The following CRY2 variants were observed in gnomAD, a reference collection of about 807,000 sequenced individuals.
The protein encoded by CRY2 is cryptochrome-2.
A neutral mutation model predicts 69.5 loss-of-function variants in CRY2; 31 were observed. The observed-to-expected ratio is 0.45, with a 90% CI of 0.34 to 0.60. CRY2 has a LOEUF of 0.60. Ranked by LOEUF, CRY2 falls within the 20% of genes least tolerant of loss-of-function variation. The probability of loss-of-function intolerance (pLI) is 0.02; values close to 1 mark genes in which losing one functional copy is unlikely to be tolerated. For synonymous variants in CRY2, 303 were observed against 312.2 expected (o/e 0.97, Z 0.31); for missense variants, 606 against 797.8 (o/e 0.76, Z 2.90).
intron 11 of CRY2, among the ~76,000 whole-genome samples, chr11:45,875,029 G>A (rs1285382258): frequency 6.6e-6 from 1 of 152,202 alleles, no homozygotes; most frequent in Non-Finnish European, 1.5e-5. Flanking sequence ...CACAGAAGAG[G>A]CTGCAGTTCT....
intron 4 of CRY2, chr11:45,861,431 C>T (rs1048095899): frequency 4.0e-5 from 7 of 174,348 alleles, no homozygotes; most frequent in African/African-American, 7.2e-5. Flanking sequence ...TTCACCCCTC[C>T]CTCTTTCTTA....
At chr11:45,877,209 C>G (rs549213769) in intron 11 of CRY2, among the ~76,000 whole-genome samples, 1 of 152,222 alleles carries the variant, frequency 6.6e-6, no homozygotes, top group Non-Finnish European at 1.5e-5. Context: ...CTCTCTCCCC[C>G]ATCCAGGCCC....
intron 1 of CRY2, among the ~76,000 whole-genome samples, chr11:45,852,889 C>T (rs1176458455): frequency 6.6e-6 from 1 of 152,248 alleles, no homozygotes; most frequent in Non-Finnish European, 1.5e-5. Context: ...TTTCAACAGA[C>T]TCCTGGGTGT....
chr11:45,847,231 G>A, upstream of CRY2: 1 of 1,551,014 alleles, frequency 6.4e-7, no homozygotes, highest in Non-Finnish European at 8.7e-7. Context: ...GACAGCCCCA[G>A]CCTGCGTCAC....
In CRY2 at chr11:45,865,242, TA is replaced by T. The variant is rs35686182; in HGVS notation, c.742-2366del. 1.1e-4 allele frequency among the ~76,000 whole-genome samples: 17 copies of T among 152,242 alleles called. No individual in the cohort carries two copies. In the East Asian group the frequency reaches 3.3e-3, roughly 29 times the overall value. On this transcript the variant is annotated intron_variant, in intron 5 of 11. Coordinates refer to ENST00000616080, the MANE Select transcript of CRY2 (RefSeq NM_021117.5). ...TCAGAAATGCAGAACGTGTTTATTATAAAAGCTGAGGTAGGGGTTGCATATA... is the reference window on the plus strand; with the variant it reads ...TCAGAAATGCAGAACGTGTTTATTATAAAGCTGAGGTAGGGGTTGCATATA...
chr11:45,882,626 G>A lies in CRY2; in HGVS notation c.*1715G>A, dbSNP rs116781762. ...TAGAAATGTCCCATCATCGTGGGAG[G>A]GGAGCAGGGCACAGGGGATGGTGTG... is the stretch of plus-strand genomic sequence containing the variant. On this transcript the variant is annotated 3_prime_UTR_variant, in exon 12 of 12. Transcript: ENST00000616080. 1,443 of 399,108 alleles carry A rather than the reference G, an allele frequency of 3.6e-3. 29 individuals are homozygous for A. The highest frequency in any genetic ancestry group is 0.024 in the African/African-American group (1,189 of 48,748). The allele number at this position is 399,108 out of a possible 1,614,324, so 24.7% of individuals were successfully genotyped here.
In CRY2 at chr11:45,856,500, A is replaced by G. The variant is rs1428191876; in HGVS notation, c.324+410A>G. Among the ~76,000 whole-genome samples the G allele has an allele frequency of 3.3e-5, 5 of 152,214 alleles. No homozygotes were observed. The East Asian group carries it at 9.6e-4, about 29-fold the overall frequency. ...TCTTGCTTTGCTCTGCTTATTGGGAAAAGTCAGCCTTTTCTGCCGGGCGAG... is the reference window on the plus strand; with the variant it reads ...TCTTGCTTTGCTCTGCTTATTGGGAGAAGTCAGCCTTTTCTGCCGGGCGAG... On this transcript the variant is annotated intron_variant, in intron 2 of 11. Transcript: ENST00000616080.
chr11:45,882,442 T>A lies in CRY2; in HGVS notation c.*1531T>A, dbSNP rs1414754280. On this transcript the variant is annotated 3_prime_UTR_variant, in exon 12 of 12. Coordinates refer to ENST00000616080, the MANE Select transcript of CRY2 (RefSeq NM_021117.5). The stretch of plus-strand genomic sequence containing the variant: ...GTTAATTCTTTTGGCCCCAGCCCTG[T>A]CCCTCACTGTCCTCTGTCCTTGGAC... 7.6e-6 allele frequency: 3 copies of A among 396,710 alleles called. No homozygotes were observed. The highest frequency in any genetic ancestry group is 1.3e-3 in the Middle Eastern group (2 of 1,596). The allele number at this position is 396,710 out of a possible 1,614,324, so 24.6% of individuals were successfully genotyped here.
intron 11 of CRY2, among the ~76,000 whole-genome samples, chr11:45,873,474 G>T (rs1267078176): frequency 1.3e-5 from 2 of 152,198 alleles, no homozygotes; most frequent in African/African-American, 4.8e-5. Flanking sequence ...TCTTAGCTCT[G>T]TGATACTAAG....
At position 45,883,125 on chromosome 11, in the gene CRY2, G is replaced by A. The variant is rs1405695184; in HGVS notation, c.*2214G>A. 1 of 189,194 alleles carries A rather than the reference G, an allele frequency of 5.3e-6. No individual in the cohort carries two copies. Among genetic ancestry groups the A allele is most frequent in the Non-Finnish European group, 1.1e-5 (1 of 92,758 alleles). The allele number at this position is 189,194 out of a possible 1,614,324, so 11.7% of individuals were successfully genotyped here. ...ATCCTGACCCAAGGGCCAGCATGGG[G>A]AAGAGATGGTTGCAGGCAAAATGCA... On this transcript the variant is annotated 3_prime_UTR_variant, in exon 12 of 12. Coordinates refer to ENST00000616080, the MANE Select transcript of CRY2 (RefSeq NM_021117.5).
intron 1 of CRY2, 58 bp downstream of exon 1, chr11:45,847,763 A>G (rs1050590861): frequency 8.1e-6 from 12 of 1,485,514 alleles, no homozygotes; most frequent in African/African-American, 1.4e-5. Context: ...CCCTGGGGTG[A>G]CCGGCGAACA....
intron 11 of CRY2, among the ~76,000 whole-genome samples, chr11:45,874,291 A>G (rs1313695174): frequency 6.6e-6 from 1 of 152,120 alleles, no homozygotes; most frequent in Non-Finnish European, 1.5e-5. Flanking sequence ...AAAAAAAAAA[A>G]AGATTAAATG....
At chr11:45,854,056 G>A (rs1381182595) in intron 1 of CRY2, among the ~76,000 whole-genome samples, 3 of 152,238 alleles carry the variant, frequency 2.0e-5, no homozygotes, top group Admixed American at 2.0e-4. Context: ...TACGTCAGAG[G>A]CAGCAGTGGG....
intron 11 of CRY2, among the ~76,000 whole-genome samples, chr11:45,872,478 T>C (rs963386544): frequency 6.6e-6 from 1 of 152,000 alleles, no homozygotes; most frequent in African/African-American, 2.4e-5. Flanking sequence ...TGGTGGCTCA[T>C]GTATGTAATC....
chr11:45,863,224 C>G (rs982312515), intron 5 of CRY2, among the ~76,000 whole-genome samples: 1 of 152,060 alleles, frequency 6.6e-6, no homozygotes, highest in Non-Finnish European at 1.5e-5. Context: ...ATTCTTGGGC[C>G]CAGTTTGAAG....
At chr11:45,879,051 GA>G (rs1361857531) in intron 11 of CRY2, among the ~76,000 whole-genome samples, 1 of 150,062 alleles carries the variant, frequency 6.7e-6, no homozygotes, top group African/African-American at 2.5e-5. Context: ...CCAACATGGA[GA>G]AACCCCATCT....
chr11:45,860,386 TAAAAAAA>T lies in CRY2; in HGVS notation c.468-448_468-442del, dbSNP rs34068985. Among the ~76,000 whole-genome samples the T allele has an allele frequency of 1.8e-4, 24 of 130,446 alleles. 1 individual carries two copies. Among genetic ancestry groups the T allele is most frequent in the African/African-American group, 6.6e-4 (23 of 34,916 alleles). The allele number at this position is 130,446 out of a possible 152,430, so 85.6% of individuals were successfully genotyped here. A position where few individuals can be genotyped will look rare whatever the true frequency, so the allele number is the denominator to read the frequency against. Reference sequence around the variant, plus strand: ...CTGCTATTCCTTATGATGTTAGAGTTAAAAAAAAAAAAAAAAAAAACATGTCTTCAGC... The same window carrying T: ...CTGCTATTCCTTATGATGTTAGAGTTAAAAAAAAAAAAACATGTCTTCAGC... On this transcript the variant is annotated intron_variant, in intron 3 of 11. Coordinates refer to ENST00000616080, the MANE Select transcript of CRY2 (RefSeq NM_021117.5).
In CRY2 at chr11:45,870,444, G is replaced by A; in HGVS notation, c.1461G>A (p.Arg487=). 4 of 1,614,216 alleles carry A rather than the reference G, an allele frequency of 2.5e-6. No homozygotes were observed. Among genetic ancestry groups the A allele is most frequent in the East Asian group, 2.2e-5 (1 of 44,890 alleles). Residue 487 remains arginine, a synonymous_variant, in exon 9 of 12, where the codon CGG becomes CGA. Transcript: ENST00000616080. ...AKCIIGVDYP[R]PIVNHAETSR... is the part of the protein sequence containing the mutation. ...GCATCATTGGTGTGGACTACCCACG[G>A]CCCATCGTCAACCATGCCGAGACCA...
Position 45,881,020 on chromosome 11 carries a change from CAT to C in CRY2, c.*110_*111del, listed in dbSNP as rs1007738854. Reference sequence around the variant, plus strand: ...GATCACCGGGCAGAGATAGAGCGAGCATGTGTGTGTGTGTGCGCGTGTGCAGA... The same window carrying C: ...GATCACCGGGCAGAGATAGAGCGAGCGTGTGTGTGTGTGCGCGTGTGCAGA... On this transcript the variant is annotated 3_prime_UTR_variant, in exon 12 of 12. Transcript: ENST00000616080. 4 of 152,460 alleles carry C rather than the reference CAT, an allele frequency of 2.6e-5. No individual in the cohort carries two copies. Among genetic ancestry groups the C allele is most frequent in the Non-Finnish European group, 5.9e-5 (4 of 68,250 alleles). The allele number at this position is 152,460 out of a possible 1,614,324, so 9.4% of individuals were successfully genotyped here. A position where few individuals can be genotyped will look rare whatever the true frequency, so the allele number is the denominator to read the frequency against.
Sources: allele counts gnomAD v4.1 joint callset (sites outside exome capture counted in the v4.1 genomes callset), GRCh38; gene constraint gnomAD v4.1.1; transcripts MANE v1.5; gene names NCBI Gene and HGNC (gene_info 2026-07-23, HGNC 2026-07-21).